CNKSR3: variants seen among roughly 807,000 people sequenced by gnomAD.
CNKSR3 encodes the protein connector enhancer of kinase suppressor of ras 3.
A neutral mutation model predicts 67.7 loss-of-function variants in CNKSR3; 36 were observed. The ratio of observed to expected loss-of-function variants is 0.53; its 90% CI spans 0.41 to 0.70. The LOEUF is 0.70. CNKSR3 is among the 30% of genes least tolerant of loss of function. CNKSR3 has a pLI of 0.00. For synonymous variants in CNKSR3, 281 were observed against 271.4 expected, an observed-to-expected ratio of 1.04 and a Z score of -0.35; for missense variants, 630 against 695.2, an observed-to-expected ratio of 0.91 and a Z score of 1.05.
chr6:154,422,375 A>G, intron 9 of CNKSR3, 131 bp downstream of exon 9: 1 of 804,944 alleles, frequency 1.2e-6, no homozygotes, highest in South Asian at 1.7e-5. Flanking sequence ...TCACATAGGC[A>G]GGAGTATAGG....
At chr6:154,476,057 G>A (rs759088630) in intron 1 of CNKSR3, among the ~76,000 whole-genome samples, 1 of 151,812 alleles carries the variant, frequency 6.6e-6, no homozygotes, top group Non-Finnish European at 1.5e-5. Flanking sequence ...ATGGTTCAGC[G>A]TTAGAAAGAC....
chr6:154,495,430 G>A (rs1786858009), intron 1 of CNKSR3, among the ~76,000 whole-genome samples: 1 of 148,462 alleles, frequency 6.7e-6, no homozygotes, highest in South Asian at 2.1e-4. Flanking sequence ...ATGCAGTGGT[G>A]TGATCATAGC....
chr6:154,442,439 G>C (rs1475201186), intron 2 of CNKSR3, 149 bp from the exon 3 acceptor site: 6 of 623,772 alleles, frequency 9.6e-6, no homozygotes, highest in South Asian at 4.1e-5. Flanking sequence ...TGGCTAACAC[G>C]GTGAAACCCC....
chr6:154,506,780 G>C (rs991204051), intron 1 of CNKSR3, among the ~76,000 whole-genome samples: 2 of 152,222 alleles, frequency 1.3e-5, no homozygotes, highest in Non-Finnish European at 2.9e-5. Flanking sequence ...GACTGGCAAG[G>C]CGCCATGAAC....
At chr6:154,468,139 C>T (rs577597743) in intron 1 of CNKSR3, among the ~76,000 whole-genome samples, 7 of 133,080 alleles carry the variant, frequency 5.3e-5, no homozygotes, top group Admixed American at 3.7e-4. Flanking sequence ...TACAGTGGTT[C>T]GATCTTGGCT....
At chr6:154,477,979 T>C (rs1412060442) in intron 1 of CNKSR3, among the ~76,000 whole-genome samples, 1 of 152,148 alleles carries the variant, frequency 6.6e-6, no homozygotes, top group Admixed American at 6.5e-5. Context: ...TGCTGGGGCT[T>C]CCGTCCTTAT....
intron 1 of CNKSR3, among the ~76,000 whole-genome samples, chr6:154,504,918 T>C (rs1787068554): frequency 6.6e-6 from 1 of 151,696 alleles, no homozygotes; most frequent in Admixed American, 6.6e-5. Context: ...TCTGCCAAGA[T>C]AATAAGTGCA....
At chr6:154,421,024 T>C (rs932106876) in intron 9 of CNKSR3, among the ~76,000 whole-genome samples, 1 of 152,202 alleles carries the variant, frequency 6.6e-6, no homozygotes, top group African/African-American at 2.4e-5. Flanking sequence ...GGTTTTTGTT[T>C]TTGTTTTGAG....
chr6:154,496,417 C>T (rs534504737), intron 1 of CNKSR3, among the ~76,000 whole-genome samples: 11 of 143,100 alleles, frequency 7.7e-5, no homozygotes, highest in African/African-American at 2.7e-4. Context: ...CCACAGCAGC[C>T]CGCAGGAGAG....
Position 154,442,278 on chromosome 6 carries a change from C to T in CNKSR3, c.229G>A (p.Glu77Lys). ...DLLCALNYGL[E>K]TDNMKNLVLK... ...ACCAAGTTCTTCATGTTATCAGTTT[C>T]GAGGCCATAATTCTGTGGAAAATAA... Residue 77 changes from glutamate (E) to lysine (K), a missense_variant, in exon 3 of 13, where the codon GAA becomes AAA. Physicochemically the swap from Glu to Lys is moderately conservative, Grantham distance 56. Around this residue, in one of 3 missense-constraint regions of CNKSR3, gnomAD observed 189 missense variants for 205.0 expected, o/e 0.92. Coordinates refer to ENST00000607772, the MANE Select transcript of CNKSR3 (RefSeq NM_173515.4). 5.0e-6 allele frequency: 8 copies of T among 1,613,356 alleles called. No homozygotes were observed. The highest frequency in any genetic ancestry group is 5.9e-6 in the Non-Finnish European group (7 of 1,179,318).
intron 1 of CNKSR3, among the ~76,000 whole-genome samples, chr6:154,463,164 T>G (rs1786118730): frequency 6.7e-6 from 1 of 149,784 alleles, no homozygotes; most frequent in African/African-American, 2.5e-5. Context: ...CAGGTTGGAG[T>G]GCAGTGGCAC....
At chr6:154,436,796 G>A (rs1313878213) in intron 4 of CNKSR3, among the ~76,000 whole-genome samples, 1 of 152,100 alleles carries the variant, frequency 6.6e-6, no homozygotes, top group Non-Finnish European at 1.5e-5. Flanking sequence ...CCACCTTGGG[G>A]TCCTTCATCT....
At chr6:154,475,273 T>G (rs1786419802) in intron 1 of CNKSR3, among the ~76,000 whole-genome samples, 1 of 151,616 alleles carries the variant, frequency 6.6e-6, no homozygotes. Context: ...CACCTCAGAG[T>G]TACAACACAC....
rs370952101 is a variant in CNKSR3 at position 154,490,468 on chromosome 6, TTG to T, written c.52+19593_52+19594del. On this transcript the variant is annotated intron_variant, in intron 1 of 12. Coordinates refer to ENST00000607772, the MANE Select transcript of CNKSR3 (RefSeq NM_173515.4). ...TATAATATGCATATGTATCCATGTATTGTGTGTGTATATACGTATACAATATA... is the reference window on the plus strand; with the variant it reads ...TATAATATGCATATGTATCCATGTATTGTGTGTATATACGTATACAATATA... Among the ~76,000 whole-genome samples the T allele has an allele frequency of 1.2e-4, 18 of 152,382 alleles. No homozygotes were observed. The East Asian group carries it at 3.3e-3, about 28-fold the overall frequency.
intron 1 of CNKSR3, among the ~76,000 whole-genome samples, chr6:154,490,095 T>C (rs1786756815): frequency 6.6e-6 from 1 of 152,200 alleles, no homozygotes; most frequent in Admixed American, 6.5e-5. Flanking sequence ...TAGTTTCTTC[T>C]TTCTTTAATG....
At position 154,387,910 on chromosome 6, in the gene CNKSR3, A is replaced by G. The variant is rs1305689503; in HGVS notation, c.*18444T>C. On this transcript the variant is annotated 3_prime_UTR_variant, in exon 13 of 13. Coordinates refer to ENST00000607772, the MANE Select transcript of CNKSR3 (RefSeq NM_173515.4). Reference sequence around the variant, plus strand: ...GCTCTCTCTCCCTTAAATAGGTTTAAATTTGCTTTTCAAAATAAACAGCAA... The same window carrying G: ...GCTCTCTCTCCCTTAAATAGGTTTAGATTTGCTTTTCAAAATAAACAGCAA... 6.6e-6 allele frequency: 1 copy of G among 152,216 alleles called. No homozygotes were observed. Among genetic ancestry groups the G allele is most frequent in the Non-Finnish European group, 1.5e-5 (1 of 68,042 alleles). The allele number at this position is 152,216 out of a possible 1,614,324, so 9.4% of individuals were successfully genotyped here. A position where few individuals can be genotyped will look rare whatever the true frequency, so the allele number is the denominator to read the frequency against.
intron 2 of CNKSR3, among the ~76,000 whole-genome samples, chr6:154,447,033 T>G (rs1239104107): frequency 6.6e-6 from 1 of 152,172 alleles, no homozygotes; most frequent in Admixed American, 6.5e-5. Context: ...CTCGATATCC[T>G]GACCTTGTGA....
intron 2 of CNKSR3, among the ~76,000 whole-genome samples, chr6:154,449,381 G>A (rs1785774611): frequency 6.6e-6 from 1 of 152,140 alleles, no homozygotes; most frequent in Admixed American, 6.5e-5. Flanking sequence ...AGAGTGCAGT[G>A]GTGCGATCTC....
rs1784731874 is a variant in CNKSR3, at chr6:154,402,767, C to T, written c.*3587G>A. Reference sequence around the variant, plus strand: ...AAAATCATACTGCTGACATCGACCCCTTTCCTGGTATTGAACTGCCAATGC... The same window carrying T: ...AAAATCATACTGCTGACATCGACCCTTTTCCTGGTATTGAACTGCCAATGC... On this transcript the variant is annotated 3_prime_UTR_variant, in exon 13 of 13. Coordinates refer to ENST00000607772, the MANE Select transcript of CNKSR3 (RefSeq NM_173515.4). 1 of 152,186 alleles carries T rather than the reference C, an allele frequency of 6.6e-6. No homozygotes were observed. Among genetic ancestry groups the T allele is most frequent in the African/African-American group, 2.4e-5 (1 of 41,446 alleles). 9.4% of individuals were successfully genotyped at this position (152,186 alleles called of 1,614,324 possible).
Sources: allele counts gnomAD v4.1 joint callset (sites outside exome capture counted in the v4.1 genomes callset), GRCh38; gene constraint gnomAD v4.1.1; regional missense constraint gnomAD v4.1.1; transcripts MANE v1.5; gene names NCBI Gene and HGNC (gene_info 2026-07-23, HGNC 2026-07-21).